The following TAFA1 variants were observed in gnomAD, a reference collection of about 807,000 sequenced individuals.
The protein encoded by TAFA1 is chemokine-like protein TAFA-1.
TAFA1 carries 4 observed loss-of-function variants against 18.5 expected under a neutral mutation model. That is an observed-to-expected ratio of 0.22 (90% CI 0.11 to 0.49). The LOEUF (loss-of-function observed/expected upper bound fraction) is 0.49, where lower values mean the gene tolerates loss of function less well. Among genes scored for constraint, TAFA1 ranks in the 20% least tolerant of loss-of-function variants. The pLI, the probability that TAFA1 is intolerant of heterozygous loss-of-function variation, is 0.98. For synonymous variants in TAFA1, 56 were observed against 55.2 expected, an observed-to-expected ratio of 1.01 and a Z score of -0.06; for missense variants, 147 against 169.0, an observed-to-expected ratio of 0.87 and a Z score of 0.72.
intron 2 of TAFA1, among the ~76,000 whole-genome samples, chr3:68,100,128 C>G (rs80235931): frequency 6.6e-6 from 1 of 151,916 alleles, no homozygotes; most frequent in African/African-American, 2.4e-5. Flanking sequence ...CAAACCTCCA[C>G]GTACAATCCC....
At chr3:68,150,526 TAG>T (rs2065793692) in intron 2 of TAFA1, among the ~76,000 whole-genome samples, 1 of 152,140 alleles carries the variant, frequency 6.6e-6, no homozygotes, top group Non-Finnish European at 1.5e-5. Flanking sequence ...ATTTTGGAGA[TAG>T]CTGTTGGAGA....
At chr3:68,063,382 A>T (rs2064631222) in intron 2 of TAFA1, among the ~76,000 whole-genome samples, 1 of 152,208 alleles carries the variant, frequency 6.6e-6, no homozygotes, top group Non-Finnish European at 1.5e-5. Context: ...ACCATTAAAG[A>T]TGCAATAAAT....
At chr3:68,274,482 A>T (rs2067751413) in intron 2 of TAFA1, among the ~76,000 whole-genome samples, 1 of 152,208 alleles carries the variant, frequency 6.6e-6, no homozygotes, top group Non-Finnish European at 1.5e-5. Context: ...CTGGCAGATC[A>T]ATGTGAGCTT....
At chr3:68,396,267 G>A (rs2070382136) in intron 2 of TAFA1, among the ~76,000 whole-genome samples, 1 of 152,036 alleles carries the variant, frequency 6.6e-6, no homozygotes. Flanking sequence ...GACAAGTCAT[G>A]AATGAACAGC....
intron 3 of TAFA1, among the ~76,000 whole-genome samples, chr3:68,513,159 A>G (rs557349988): frequency 6.6e-5 from 10 of 152,280 alleles, no homozygotes; most frequent in Non-Finnish European, 1.3e-4. Context: ...AGGTGCCTCC[A>G]GAGTGGTGAA....
intron 3 of TAFA1, among the ~76,000 whole-genome samples, chr3:68,516,493 A>G (rs908491573): frequency 1.3e-5 from 2 of 152,156 alleles, no homozygotes; most frequent in Admixed American, 1.3e-4. Context: ...TTCATATTTT[A>G]TAGTTTCCTT....
intron 2 of TAFA1, among the ~76,000 whole-genome samples, chr3:68,287,893 CT>C (rs2068039693): frequency 3.7e-5 from 2 of 53,862 alleles, no homozygotes; most frequent in South Asian, 1.0e-3. Context: ...GAGGATTTTG[CT>C]TTTTGTTTTT....
chr3:68,311,291 CT>C (rs770557913), intron 2 of TAFA1, among the ~76,000 whole-genome samples: 16 of 94,026 alleles, frequency 1.7e-4, no homozygotes, highest in Non-Finnish European at 2.7e-4. Context: ...CATTCTGCCC[CT>C]GGCCTCTCTC....
At chr3:68,323,216 G>A (rs1445495497) in intron 2 of TAFA1, among the ~76,000 whole-genome samples, 1 of 152,102 alleles carries the variant, frequency 6.6e-6, no homozygotes, top group East Asian at 1.9e-4. Flanking sequence ...CATATTCCAG[G>A]GAGAACACTA....
At chr3:68,154,617 C>T (rs918981077) in intron 2 of TAFA1, among the ~76,000 whole-genome samples, 9 of 152,274 alleles carry the variant, frequency 5.9e-5, no homozygotes, top group East Asian at 3.9e-4. Context: ...AGACCAGGTC[C>T]GCCTTTTTTA....
At chr3:68,180,006 C>T (rs1246566547) in intron 2 of TAFA1, among the ~76,000 whole-genome samples, 3 of 63,682 alleles carry the variant, frequency 4.7e-5, no homozygotes, top group African/African-American at 1.3e-4. Context: ...GCCTATAACA[C>T]ATAATTTTAT....
At chr3:68,293,842 C>T (rs1559603451) in intron 2 of TAFA1, among the ~76,000 whole-genome samples, 2 of 152,186 alleles carry the variant, frequency 1.3e-5, no homozygotes, top group Admixed American at 6.5e-5. Context: ...CATTTTGAGG[C>T]CCACTGAGGG....
chr3:68,428,590 C>A (rs1341751078), intron 3 of TAFA1, among the ~76,000 whole-genome samples: 1 of 151,844 alleles, frequency 6.6e-6, no homozygotes, highest in Non-Finnish European at 1.5e-5. Context: ...ACCAACTGAC[C>A]TAAGACATTG....
intron 3 of TAFA1, among the ~76,000 whole-genome samples, chr3:68,421,320 T>C (rs1283486301): frequency 6.6e-6 from 1 of 152,160 alleles, no homozygotes; most frequent in Non-Finnish European, 1.5e-5. Context: ...CTCATGTTGA[T>C]TATTTATATT....
intron 2 of TAFA1, among the ~76,000 whole-genome samples, chr3:68,356,995 T>G (rs1420582842): frequency 6.6e-6 from 1 of 151,934 alleles, no homozygotes; most frequent in African/African-American, 2.4e-5. Context: ...CATCCTTGTT[T>G]AGAAGACAGG....
chr3:68,246,824 A>T lies in TAFA1; in HGVS notation c.119-170456A>T, dbSNP rs2067090623. 2.0e-5 allele frequency: 3 copies of T among 152,188 alleles called. No homozygotes were observed. The South Asian group carries it at 6.2e-4, about 31-fold the overall frequency. The allele number at this position is 152,188 out of a possible 1,614,324, so 9.4% of individuals were successfully genotyped here. Reference sequence around the variant, plus strand: ...CGGCTGTACTGCCAGGATTTAAGACACTTTGAAAATGGGCAAAGCCTCATT... The same window carrying T: ...CGGCTGTACTGCCAGGATTTAAGACTCTTTGAAAATGGGCAAAGCCTCATT... On this transcript the variant is annotated intron_variant, in intron 2 of 4. Coordinates refer to ENST00000478136, the MANE Select transcript of TAFA1 (RefSeq NM_213609.4).
intron 3 of TAFA1, among the ~76,000 whole-genome samples, chr3:68,501,382 A>G (rs2072656980): frequency 1.3e-5 from 2 of 152,112 alleles, no homozygotes; most frequent in African/African-American, 4.8e-5. Flanking sequence ...CCTTTGAGGA[A>G]AAAAGCCACG....
chr3:68,313,555 A>G (rs953046723), intron 2 of TAFA1, among the ~76,000 whole-genome samples: 1 of 152,254 alleles, frequency 6.6e-6, no homozygotes, highest in Non-Finnish European at 1.5e-5. Flanking sequence ...TATGGAAACC[A>G]TGTATGCTGG....
chr3:68,451,520 A>C (rs559283415), intron 3 of TAFA1, among the ~76,000 whole-genome samples: 1 of 152,214 alleles, frequency 6.6e-6, no homozygotes, highest in Admixed American at 6.5e-5. Context: ...AAGGAAAAAA[A>C]GGCTATTAGG....
Sources: gnomAD v4.1 joint callset for allele counts (sites outside exome capture counted in the v4.1 genomes callset) on GRCh38, gnomAD v4.1.1 for gene constraint, MANE v1.5 for transcripts, NCBI Gene and HGNC (gene_info 2026-07-23, HGNC 2026-07-21) for gene names.